Variants in SAMD5 observed in about 807,000 individuals in gnomAD.
SAMD5 encodes the protein sterile alpha motif domain-containing protein 5.
Under a neutral mutation model 11.3 loss-of-function variants are expected in SAMD5, and 13 were observed. That is an observed-to-expected ratio of 1.15 (90% confidence interval 0.75 to 1.83). The LOEUF (loss-of-function observed/expected upper bound fraction) is 1.83. Among genes scored for constraint, SAMD5 ranks in the 40% most tolerant of loss-of-function variants. SAMD5 has a pLI of 0.00. For synonymous variants in SAMD5, 129 were observed against 111.3 expected, an observed-to-expected ratio of 1.16 and a Z score of -1.00; for missense variants, 255 against 239.1, an observed-to-expected ratio of 1.07 and a Z score of -0.44.
rs551864188 is a variant in SAMD5, at chr6:147,606,131, G to T, written c.162+96744G>T. On this transcript the variant is annotated intron_variant, in intron 1 of 1. Transcript: ENST00000566741. ...TTTTATCTTCCGGCTGTTTACAGGA[G>T]GATGGGCATTCTCTCAGGGGGATTC... Among the ~76,000 whole-genome samples the T allele has an allele frequency of 3.3e-4, 50 of 152,280 alleles. 1 individual carries two copies. In the South Asian group the frequency reaches 9.5e-3, roughly 29 times the overall value.
chr6:147,779,789 G>A, the SAMD5 span, among the ~76,000 whole-genome samples: 52 of 152,352 alleles, frequency 3.4e-4, 2 homozygotes, highest in South Asian at 9.7e-3. Flanking sequence ...TTTGCCAGCT[G>A]TGTGGCTTTG....
intron 1 of SAMD5, among the ~76,000 whole-genome samples, chr6:147,710,184 C>T (rs925855123): frequency 1.6e-4 from 24 of 152,218 alleles, no homozygotes; most frequent in Non-Finnish European, 2.5e-4. Context: ...CCACCTACTG[C>T]TCTCCATCAG....
the SAMD5 span, among the ~76,000 whole-genome samples, chr6:147,760,138 A>C: frequency 6.6e-6 from 1 of 152,178 alleles, no homozygotes; most frequent in Non-Finnish European, 1.5e-5. Context: ...CATTTTTTAT[A>C]TCCTAGGCCA....
chr6:147,540,933 G>GT (rs1187718649), intron 1 of SAMD5, among the ~76,000 whole-genome samples: 4,759 of 64,114 alleles, frequency 0.074, 1,197 homozygotes, highest in East Asian at 0.23. Flanking sequence ...CAAGCCACGC[G>GT]TTTTTTTTTT....
At chr6:147,651,432 A>C (rs765713918) in intron 1 of SAMD5, among the ~76,000 whole-genome samples, 19 of 152,180 alleles carry the variant, frequency 1.2e-4, no homozygotes, top group Non-Finnish European at 2.5e-4. Flanking sequence ...CCAAATTCAT[A>C]TGTTGAAATC....
chr6:147,935,859 G>A, the SAMD5 span, among the ~76,000 whole-genome samples: 2 of 152,196 alleles, frequency 1.3e-5, no homozygotes, highest in African/African-American at 4.8e-5. Context: ...GACCACATTA[G>A]TAATTCTGGG....
intron 1 of SAMD5, 124 bp downstream of exon 1, chr6:147,509,511 C>G (rs935869908): frequency 8.0e-6 from 6 of 754,614 alleles, no homozygotes; most frequent in Non-Finnish European, 1.2e-5. Context: ...CTTTGGGTAT[C>G]TGGGACCCTT....
intron 1 of SAMD5, among the ~76,000 whole-genome samples, chr6:147,657,801 G>A (rs1237337668): frequency 6.6e-6 from 1 of 152,108 alleles, no homozygotes; most frequent in Non-Finnish European, 1.5e-5. Flanking sequence ...CCATTCGTGA[G>A]AACTCCACTC....
chr6:147,728,971 A>G (rs949336444), intron 1 of SAMD5, among the ~76,000 whole-genome samples: 1 of 152,244 alleles, frequency 6.6e-6, no homozygotes, highest in African/African-American at 2.4e-5. Flanking sequence ...TGCAATAACA[A>G]TATGCTACAA....
intron 1 of SAMD5, among the ~76,000 whole-genome samples, chr6:147,667,944 A>G (rs904698137): frequency 6.6e-6 from 1 of 152,194 alleles, no homozygotes; most frequent in Non-Finnish European, 1.5e-5. Flanking sequence ...CAAGTTAAAC[A>G]TGAAATGAAA....
At chr6:147,817,705 G>T in the SAMD5 span, among the ~76,000 whole-genome samples, 2 of 152,170 alleles carry the variant, frequency 1.3e-5, no homozygotes, top group Non-Finnish European at 2.9e-5. Context: ...GTTTTATGTG[G>T]GATCCAGGAA....
chr6:147,934,658 T>C, the SAMD5 span, among the ~76,000 whole-genome samples: 91,112 of 151,760 alleles, frequency 0.6, 28,342 homozygotes, highest in African/African-American at 0.77. Flanking sequence ...GAGAGAGGAT[T>C]GAGAGAGAGA....
the SAMD5 span, among the ~76,000 whole-genome samples, chr6:147,842,404 A>G: frequency 7.4e-6 from 1 of 135,250 alleles, no homozygotes; most frequent in Non-Finnish European, 1.7e-5. Flanking sequence ...CAAGAAATGT[A>G]TTTCTTTACC....
intron 1 of SAMD5, among the ~76,000 whole-genome samples, chr6:147,724,765 A>G (rs1387874520): frequency 6.6e-6 from 1 of 152,120 alleles, no homozygotes; most frequent in Admixed American, 6.5e-5. Flanking sequence ...TTCATCTTCA[A>G]AAGATGAAAC....
chr6:147,896,755 A>ACACAAAAAACAAAAAAAC, the SAMD5 span, among the ~76,000 whole-genome samples: 3 of 142,460 alleles, frequency 2.1e-5, no homozygotes, highest in South Asian at 2.2e-4. Context: ...AAAAAAAAAA[A>ACACAAAAAACAAAAAAAC]AAAAAAAACG....
At chr6:147,574,893 C>G (rs2128445698), downstream of SAMD5, among the ~76,000 whole-genome samples, 1 of 152,334 alleles carries the variant, frequency 6.6e-6, no homozygotes, top group Non-Finnish European at 1.5e-5. Context: ...CATATTCAAA[C>G]TGTAGCATTC....
intron 1 of SAMD5, among the ~76,000 whole-genome samples, chr6:147,591,982 C>A (rs1789461333): frequency 6.6e-6 from 1 of 151,982 alleles, no homozygotes; most frequent in Admixed American, 6.6e-5. Flanking sequence ...GCCACGGGAG[C>A]ATTAGGAAAA....
chr6:147,686,866 T>C (rs576753377), intron 1 of SAMD5, among the ~76,000 whole-genome samples: 2 of 152,162 alleles, frequency 1.3e-5, no homozygotes, highest in South Asian at 4.1e-4. Context: ...CCTTCTTCAC[T>C]GTGGGTTTTT....
chr6:147,916,651 A>C, the SAMD5 span, among the ~76,000 whole-genome samples: 2 of 151,636 alleles, frequency 1.3e-5, no homozygotes, highest in Non-Finnish European at 2.9e-5. Context: ...GGTGTGCTGC[A>C]CCCATTAACT....
Sources: gnomAD v4.1 joint callset for allele counts (sites outside exome capture counted in the v4.1 genomes callset) on GRCh38, gnomAD v4.1.1 for gene constraint, MANE v1.5 for transcripts, NCBI Gene and HGNC (gene_info 2026-07-23, HGNC 2026-07-21) for gene names.